The following ASTN2 variants were observed in gnomAD, a reference collection of about 807,000 sequenced individuals.
ASTN2 encodes astrotactin 2.
Under a neutral mutation model 139.8 loss-of-function variants are expected in ASTN2, and 54 were observed. That is an observed-to-expected ratio of 0.39 (90% CI 0.31 to 0.48). The LOEUF (loss-of-function observed/expected upper bound fraction) is 0.48, where lower values mean the gene tolerates loss of function less well. Among genes scored for constraint, ASTN2 ranks in the 20% least tolerant of loss-of-function variants. The pLI is 0.95. For missense variants in ASTN2, 1,565 were observed against 1,725.1 expected (o/e 0.91, Z 1.64); for synonymous variants, 756 against 719.5 (o/e 1.05, Z -0.81).
intron 10 of ASTN2, among the ~76,000 whole-genome samples, chr9:116,957,704 C>T (rs539732108): frequency 2.0e-5 from 3 of 152,344 alleles, no homozygotes; most frequent in African/African-American, 4.8e-5. Context: ...GACGGAGTCT[C>T]GCTCTGTTGC....
chr9:116,589,850 G>C (rs1237133464), intron 19 of ASTN2, among the ~76,000 whole-genome samples: 2 of 152,106 alleles, frequency 1.3e-5, no homozygotes, highest in Admixed American at 6.5e-5. Context: ...CTAGATGTTG[G>C]GACAATTTTA....
chr9:117,024,363 C>A (rs1362519000), intron 6 of ASTN2, among the ~76,000 whole-genome samples: 2 of 152,002 alleles, frequency 1.3e-5, no homozygotes, highest in Non-Finnish European at 2.9e-5. Flanking sequence ...AATTCAATAA[C>A]AGGAATCATA....
chr9:116,569,182 A>T (rs900563942), intron 19 of ASTN2, among the ~76,000 whole-genome samples: 2 of 152,182 alleles, frequency 1.3e-5, no homozygotes, highest in Admixed American at 1.3e-4. Flanking sequence ...ATTAGAACTA[A>T]GAATCAGACG....
At chr9:116,566,482 G>A (rs1414125682) in intron 19 of ASTN2, among the ~76,000 whole-genome samples, 2 of 152,066 alleles carry the variant, frequency 1.3e-5, no homozygotes, top group African/African-American at 4.8e-5. Context: ...CTTTATTAAT[G>A]GAAATTTCTC....
chr9:116,778,100 C>T, intron 13 of ASTN2, among the ~76,000 whole-genome samples: 1 of 152,116 alleles, frequency 6.6e-6, no homozygotes, highest in East Asian at 1.9e-4. Flanking sequence ...CCACCTTGGC[C>T]TCCCAAAGTG....
At chr9:116,990,905 T>TCACAC (rs1462236650) in intron 7 of ASTN2, among the ~76,000 whole-genome samples, 1 of 152,166 alleles carries the variant, frequency 6.6e-6, no homozygotes, top group African/African-American at 2.4e-5. Context: ...GATGGGCTGT[T>TCACAC]CACACCACAC....
intron 19 of ASTN2, chr9:116,545,946 C>A (rs571455020): frequency 2.6e-5 from 4 of 152,288 alleles, no homozygotes; most frequent in Admixed American, 6.5e-5. Flanking sequence ...TCATTTTACA[C>A]TAAAGGAAGT....
chr9:116,602,111 T>C (rs1854931946), intron 19 of ASTN2, among the ~76,000 whole-genome samples: 1 of 152,136 alleles, frequency 6.6e-6, no homozygotes, highest in African/African-American at 2.4e-5. Context: ...ATGAAGTAAG[T>C]TTATGACCCA....
chr9:116,698,488 C>A lies in ASTN2; in HGVS notation c.2806+27283G>T. 1 of 1,613,876 alleles carries A rather than the reference C, an allele frequency of 6.2e-7. No individual in the cohort carries two copies. The highest frequency in any genetic ancestry group is 1.3e-5 in the African/African-American group (1 of 75,024). On this transcript the variant is annotated intron_variant, in intron 16 of 22. Transcript: ENST00000313400. The surrounding 1 kb of genome is among the most constrained non-coding windows in gnomAD (Gnocchi z 4.4). Reference sequence around the variant, plus strand: ...TACTTCCTGGCCAAGATCAAGCAGGCAGATGTAGCACTACTGGAGGAGACA... The same window carrying A: ...TACTTCCTGGCCAAGATCAAGCAGGAAGATGTAGCACTACTGGAGGAGACA...
At chr9:116,701,685 C>T (rs916314932) in intron 16 of ASTN2, among the ~76,000 whole-genome samples, 6 of 152,172 alleles carry the variant, frequency 3.9e-5, no homozygotes, top group Admixed American at 6.6e-5. Context: ...ACCAGTCATG[C>T]CTTTTCCCTC....
At chr9:116,657,863 A>G (rs1334742560) in intron 16 of ASTN2, among the ~76,000 whole-genome samples, 1 of 152,012 alleles carries the variant, frequency 6.6e-6, no homozygotes, top group Non-Finnish European at 1.5e-5. Flanking sequence ...TATAAAAGAA[A>G]AAAGAGAGGT....
At chr9:116,612,000 G>C (rs747265168) in intron 19 of ASTN2, 3 of 152,064 alleles carry the variant, frequency 2.0e-5, no homozygotes, top group Non-Finnish European at 4.4e-5. Flanking sequence ...CACATAGTAG[G>C]TTGTTTTATA....
Position 116,424,937 on chromosome 9 carries a change from C to G in ASTN2, c.*914G>C, listed in dbSNP as rs911054634. Among the ~76,000 whole-genome samples, 1 of 152,050 alleles carries G rather than the reference C, an allele frequency of 6.6e-6. No individual in the cohort carries two copies. Among genetic ancestry groups the G allele is most frequent in the South Asian group, 2.1e-4 (1 of 4,820 alleles). On this transcript the variant is annotated 3_prime_UTR_variant, in exon 23 of 23. Coordinates refer to ENST00000313400, the MANE Select transcript of ASTN2 (RefSeq NM_001365068.1). Reference sequence around the variant, plus strand: ...CTCTGTCTGGCTTATTTCTACTCATCCTTTGGGTTTAGGTATCACTTTTTC... The same window carrying G: ...CTCTGTCTGGCTTATTTCTACTCATGCTTTGGGTTTAGGTATCACTTTTTC...
chr9:117,245,515 G>A (rs1380435847), intron 2 of ASTN2, among the ~76,000 whole-genome samples: 1 of 152,112 alleles, frequency 6.6e-6, no homozygotes, highest in African/African-American at 2.4e-5. Flanking sequence ...CAGGCACCCA[G>A]ACTCTTCCTC....
At chr9:117,358,147 A>G (rs1445052983) in intron 1 of ASTN2, among the ~76,000 whole-genome samples, 2 of 152,150 alleles carry the variant, frequency 1.3e-5, no homozygotes, top group African/African-American at 4.8e-5. Flanking sequence ...AGTTTCCTCA[A>G]AATCCAGGAT....
intron 17 of ASTN2, among the ~76,000 whole-genome samples, chr9:116,643,744 T>C (rs1049367713): frequency 2.6e-5 from 4 of 152,214 alleles, no homozygotes; most frequent in Non-Finnish European, 5.9e-5. Context: ...TCAAAAAACT[T>C]GCTTTGCAGT....
At chr9:116,983,230 A>T (rs1157329769) in intron 7 of ASTN2, among the ~76,000 whole-genome samples, 1 of 151,838 alleles carries the variant, frequency 6.6e-6, no homozygotes, top group East Asian at 1.9e-4. Context: ...CCACCTTGGG[A>T]CTCTTCACCT....
intron 7 of ASTN2, among the ~76,000 whole-genome samples, chr9:116,996,717 T>G (rs1351862293): frequency 6.6e-6 from 1 of 152,160 alleles, no homozygotes; most frequent in African/African-American, 2.4e-5. Context: ...CTTTACAACA[T>G]GGCTTTATAT....
intron 2 of ASTN2, among the ~76,000 whole-genome samples, chr9:117,247,597 T>A (rs980970454): frequency 4.6e-5 from 7 of 152,116 alleles, no homozygotes; most frequent in Non-Finnish European, 8.8e-5. Context: ...GAGAATAAAA[T>A]TAAAAACAAA....
Sources: gnomAD v4.1 joint callset for allele counts (sites outside exome capture counted in the v4.1 genomes callset) on GRCh38, gnomAD v4.1.1 for gene constraint, Gnocchi (gnomAD v3.1) non-coding constraint, MANE v1.5 for transcripts, NCBI Gene and HGNC (gene_info 2026-07-23, HGNC 2026-07-21) for gene names.